Variants in GMDS observed in about 807,000 individuals in gnomAD.
The protein encoded by GMDS is GDP-mannose 4,6-dehydratase.
In GMDS, 20 loss-of-function variants were observed where a neutral mutation model predicts 49.9. The ratio of observed to expected loss-of-function variants is 0.40; its 90% CI spans 0.28 to 0.58. The LOEUF (loss-of-function observed/expected upper bound fraction) is 0.58, where lower values mean the gene tolerates loss of function less well. Among genes scored for constraint, GMDS ranks in the 20% least tolerant of loss-of-function variants. The pLI, the probability that GMDS is intolerant of heterozygous loss-of-function variation, is 0.42. For missense variants in GMDS, 362 were observed against 481.4 expected (o/e 0.75, Z 2.32); for synonymous variants, 177 against 178.6 (o/e 0.99, Z 0.07).
At chr6:1,665,695 G>A (rs1208695363) in intron 9 of GMDS, among the ~76,000 whole-genome samples, 2 of 152,082 alleles carry the variant, frequency 1.3e-5, no homozygotes, top group Non-Finnish European at 2.9e-5. Flanking sequence ...TCTGCTCTCT[G>A]GGGGCCACAT....
intron 7 of GMDS, among the ~76,000 whole-genome samples, chr6:1,899,425 T>C (rs1012452735): frequency 2.0e-5 from 3 of 152,078 alleles, no homozygotes; most frequent in Non-Finnish European, 4.4e-5. Context: ...CTAAAGTGAG[T>C]AGCAGTTACA....
intron 9 of GMDS, among the ~76,000 whole-genome samples, chr6:1,695,589 T>G (rs1259183663): frequency 6.6e-6 from 1 of 152,192 alleles, no homozygotes; most frequent in Non-Finnish European, 1.5e-5. Flanking sequence ...TAACAGCCAG[T>G]TCTTTCTCAA....
At chr6:1,863,421 A>G (rs1449673153) in intron 7 of GMDS, among the ~76,000 whole-genome samples, 17 of 152,186 alleles carry the variant, frequency 1.1e-4, no homozygotes, top group Admixed American at 9.8e-4. Context: ...ACTCTAAGGT[A>G]TTATGTAATG....
At chr6:2,066,920 C>G (rs971250993) in intron 4 of GMDS, among the ~76,000 whole-genome samples, 137 of 152,034 alleles carry the variant, frequency 9.0e-4, no homozygotes, top group African/African-American at 2.9e-3. Context: ...GGACCTAATA[C>G]ACATCTACAG....
chr6:1,842,619 G>A (rs549523208), intron 7 of GMDS, among the ~76,000 whole-genome samples: 1 of 152,274 alleles, frequency 6.6e-6, no homozygotes, highest in South Asian at 2.1e-4. Flanking sequence ...TTAGCCAACT[G>A]CAAATCCCAG....
intron 2 of GMDS, among the ~76,000 whole-genome samples, chr6:2,119,171 G>A (rs1216908690): frequency 2.0e-5 from 3 of 152,142 alleles, no homozygotes; most frequent in Non-Finnish European, 2.9e-5. Context: ...TAGATTGCTG[G>A]ATTCTGGGGA....
chr6:2,204,632 A>G (rs991283373), intron 1 of GMDS, among the ~76,000 whole-genome samples: 2 of 152,222 alleles, frequency 1.3e-5, no homozygotes, highest in Non-Finnish European at 1.5e-5. Context: ...CAAGTGCTCA[A>G]TAACTACACG....
chr6:1,971,939 C>T (rs554705044), intron 4 of GMDS, among the ~76,000 whole-genome samples: 6 of 152,274 alleles, frequency 3.9e-5, no homozygotes, highest in South Asian at 2.1e-4. Context: ...GAAGACTGAC[C>T]GTGCTTTAAC....
intron 7 of GMDS, among the ~76,000 whole-genome samples, chr6:1,834,458 C>T (rs540483761): frequency 3.9e-5 from 6 of 152,128 alleles, no homozygotes; most frequent in Admixed American, 6.5e-5. Context: ...CTTTTCTTAG[C>T]GCTTGACATC....
At chr6:1,779,725 T>C (rs1581171729) in intron 7 of GMDS, among the ~76,000 whole-genome samples, 1 of 152,132 alleles carries the variant, frequency 6.6e-6, no homozygotes, top group Non-Finnish European at 1.5e-5. Context: ...TCCCTCTAAC[T>C]GATAGTGGTA....
chr6:2,245,349 A>ACGTTCCTGGGCTTGCCCATCTCGC lies in GMDS; in HGVS notation c.50_73dup (p.Gly17_Asn24dup), dbSNP rs1781817551. ...GCCTGTGATACCGGTGATGAGCGCC[A>ACGTTCCTGGGCTTGCCCATCTCGC]CGTTCCTGGGCTTGCCCATCTCGCC... On this transcript the variant is annotated inframe_insertion, in exon 1 of 11. Coordinates refer to ENST00000380815, the MANE Select transcript of GMDS (RefSeq NM_001500.4). The ACGTTCCTGGGCTTGCCCATCTCGC allele has an allele frequency of 1.3e-6, 2 of 1,553,380 alleles. No homozygotes were observed. Among genetic ancestry groups the ACGTTCCTGGGCTTGCCCATCTCGC allele is most frequent in the Admixed American group, 3.8e-5 (2 of 52,854 alleles).
chr6:2,133,056 T>C (rs1363222237), intron 1 of GMDS, among the ~76,000 whole-genome samples: 1 of 152,194 alleles, frequency 6.6e-6, no homozygotes, highest in Admixed American at 6.5e-5. Context: ...GGCCATACAA[T>C]TAAAGGCTGT....
In GMDS at chr6:1,778,171, C is replaced by T. The variant is rs1768918218; in HGVS notation, c.772-35585G>A. Among the ~76,000 whole-genome samples, 1 of 152,188 alleles carries T rather than the reference C, an allele frequency of 6.6e-6. No individual in the cohort carries two copies. Among genetic ancestry groups the T allele is most frequent in the African/African-American group, 2.4e-5 (1 of 41,432 alleles). ...AAGGATCGAGTTAGACTGGCCTTCT[C>T]AACACCTCACGAAAAGCGCCCTTGG... On this transcript the variant is annotated intron_variant, in intron 7 of 10. Coordinates refer to ENST00000380815, the MANE Select transcript of GMDS (RefSeq NM_001500.4). The surrounding 1 kb of genome is among the most constrained non-coding windows in gnomAD (Gnocchi z 4.6).
chr6:2,051,315 T>C (rs974977299), intron 4 of GMDS, among the ~76,000 whole-genome samples: 2 of 152,210 alleles, frequency 1.3e-5, no homozygotes, highest in African/African-American at 2.4e-5. Flanking sequence ...ACTAGGTTTG[T>C]AGTTATTTGG....
intron 1 of GMDS, among the ~76,000 whole-genome samples, chr6:2,224,712 T>C (rs1016931182): frequency 2.6e-5 from 4 of 152,192 alleles, no homozygotes; most frequent in Admixed American, 2.6e-4. Context: ...TATTTGAACA[T>C]GCAAATAAGA....
intron 4 of GMDS, among the ~76,000 whole-genome samples, chr6:2,038,433 AC>A (rs756518100): frequency 1.2e-4 from 19 of 152,228 alleles, no homozygotes; most frequent in Admixed American, 3.3e-4. Context: ...ATGCTTTCAC[AC>A]TGTCGACTTT....
intron 1 of GMDS, among the ~76,000 whole-genome samples, chr6:2,132,849 A>G (rs914054975): frequency 2.0e-5 from 3 of 152,360 alleles, no homozygotes; most frequent in Admixed American, 6.5e-5. Context: ...GAAAGTTTTT[A>G]GAACCAGGGT....
At chr6:1,729,647 A>T (rs1456914147) in intron 8 of GMDS, among the ~76,000 whole-genome samples, 1 of 152,236 alleles carries the variant, frequency 6.6e-6, no homozygotes, top group Non-Finnish European at 1.5e-5. Context: ...CTAACAAGTG[A>T]TGTTACGACT....
chr6:1,959,379 C>T (rs1038176019), intron 6 of GMDS, among the ~76,000 whole-genome samples: 3 of 152,106 alleles, frequency 2.0e-5, no homozygotes, highest in Admixed American at 6.5e-5. Context: ...CTGATTTCAA[C>T]TTTATTTTAA....
Sources: gnomAD v4.1 joint callset for allele counts (sites outside exome capture counted in the v4.1 genomes callset) on GRCh38, gnomAD v4.1.1 for gene constraint, Gnocchi (gnomAD v3.1) non-coding constraint, MANE v1.5 for transcripts, NCBI Gene and HGNC (gene_info 2026-07-23, HGNC 2026-07-21) for gene names.